The following FGF17 variants were observed in gnomAD, a reference collection of about 807,000 sequenced individuals.
FGF17 encodes the protein fibroblast growth factor 17.
In FGF17, 5 loss-of-function variants were observed where a neutral mutation model predicts 23.5. That is an observed-to-expected ratio of 0.21 (90% CI 0.11 to 0.45). The LOEUF (loss-of-function observed/expected upper bound fraction) is 0.45, where lower values mean the gene tolerates loss of function less well. FGF17 is among the 20% of genes least tolerant of loss of function. The pLI, the probability that FGF17 is intolerant of heterozygous loss-of-function variation, is 0.99. For missense variants in FGF17, 221 were observed against 306.9 expected, an observed-to-expected ratio of 0.72 and a Z score of 2.09; for synonymous variants, 136 against 123.0, an observed-to-expected ratio of 1.11 and a Z score of -0.70.
intron 2 of FGF17, 51 bp downstream of exon 2, chr8:22,043,232 C>T (rs751369578): frequency 6.3e-7 from 1 of 1,576,198 alleles, no homozygotes; most frequent in South Asian, 1.1e-5. Context: ...CCCTACCTGA[C>T]CAGGGCGGGT....
Position 22,048,061 on chromosome 8 carries a change from C to A in FGF17, c.463C>A (p.Arg155=). 6.2e-7 allele frequency: 1 copy of A among 1,612,676 alleles called. No homozygotes were observed. The highest frequency in any genetic ancestry group is 8.5e-7 in the Non-Finnish European group (1 of 1,179,704). Residue 155 remains arginine (R), a synonymous_variant, in exon 5 of 5, where the codon CGG becomes AGG. Transcript: ENST00000359441. The surrounding 1 kb of genome is among the most constrained non-coding windows in gnomAD (Gnocchi z 6.9). ...CGAGGGCTGGTTCATGGCCTTCACG[C>A]GGCAGGGGCGGCCCCGCCAGGCTTC... is the stretch of plus-strand genomic sequence containing the variant. ...RHEGWFMAFT[R]QGRPRQASRS...
Position 22,048,476 on chromosome 8 carries a change from A to C in FGF17, c.*227A>C, listed in dbSNP as rs1276021164. 2 of 571,102 alleles carry C rather than the reference A, an allele frequency of 3.5e-6. No individual in the cohort carries two copies. The highest frequency in any genetic ancestry group is 6.2e-6 in the Non-Finnish European group (2 of 321,628). The allele number at this position is 571,102 out of a possible 1,614,324, so 35.4% of individuals were successfully genotyped here. A position where few individuals can be genotyped will look rare whatever the true frequency, so the allele number is the denominator to read the frequency against. On this transcript the variant is annotated 3_prime_UTR_variant, in exon 5 of 5. Transcript: ENST00000359441. The surrounding 1 kb of genome is among the most constrained non-coding windows in gnomAD (Gnocchi z 6.9). ...GGTGGCAGGCCCTGGAGAGGAACTG[A>C]GTGTCACCCTGATCTCAGGCCACCA...
At chr8:22,047,825 C>A in intron 4 of FGF17, 131 bp from the exon 5 acceptor site, 1 of 823,612 alleles carries the variant, frequency 1.2e-6, no homozygotes, top group Non-Finnish European at 1.9e-6. Flanking sequence ...TCTCACCAGG[C>A]AGAGTTCCCT....
chr8:22,045,343 G>A (rs1455859385), intron 2 of FGF17: 3 of 987,174 alleles, frequency 3.0e-6, no homozygotes, highest in Non-Finnish European at 2.4e-6. Flanking sequence ...CTGTCCTCTT[G>A]GTACTGCCTC....
chr8:22,045,113 C>T lies in FGF17; in HGVS notation c.73-1001C>T, dbSNP rs189912413. ...GGATGGAGGGGAAGAAGTACTCAGT[C>T]TCTCCCACTCAGCCTTACAGATGGG... On this transcript the variant is annotated intron_variant, in intron 2 of 4. Coordinates refer to ENST00000359441, the MANE Select transcript of FGF17 (RefSeq NM_003867.4). 7.6e-4 allele frequency: 745 copies of T among 985,568 alleles called. 1 individual carries two copies. The highest frequency in any genetic ancestry group is 6.2e-4 in the Non-Finnish European group (515 of 830,006). The allele number at this position is 985,568 out of a possible 1,614,324, so 61.1% of individuals were successfully genotyped here. A position where few individuals can be genotyped will look rare whatever the true frequency, so the allele number is the denominator to read the frequency against.
chr8:22,046,663 G>C (rs371279355), intron 4 of FGF17, 30 bp downstream of exon 4: 6 of 1,498,890 alleles, frequency 4.0e-6, no homozygotes, highest in Non-Finnish European at 5.6e-6. Flanking sequence ...AAGTAACAGA[G>C]AATCAGCCCT....
intron 1 of FGF17, 90 bp downstream of exon 1, chr8:22,043,053 C>G: frequency 6.2e-7 from 1 of 1,600,942 alleles, no homozygotes; most frequent in Non-Finnish European, 8.5e-7. Flanking sequence ...CGCGTGCGTG[C>G]ACGGGGCTGG....
At chr8:22,045,524 G>A in intron 2 of FGF17, 1 of 993,326 alleles carries the variant, frequency 1.0e-6, no homozygotes. Flanking sequence ...TCCACAGTTA[G>A]TGCTTCAAAG....
upstream of FGF17, among the ~76,000 whole-genome samples, chr8:22,041,404 C>A (rs568461352): frequency 6.6e-6 from 1 of 152,256 alleles, no homozygotes; most frequent in Admixed American, 6.5e-5. Context: ...AATAAATCCA[C>A]ATCCGCCACT....
intron 4 of FGF17, among the ~76,000 whole-genome samples, chr8:22,047,447 T>C (rs1197111939): frequency 2.0e-5 from 3 of 152,230 alleles, no homozygotes; most frequent in African/African-American, 7.2e-5. Flanking sequence ...CATTCGGCTG[T>C]CGCTGACCAA....
At position 22,043,890 on chromosome 8, in the gene FGF17, G is replaced by A. The variant is rs374607143; in HGVS notation, c.72+709G>A. Among the ~76,000 whole-genome samples, 6 of 152,256 alleles carry A rather than the reference G, an allele frequency of 3.9e-5. No homozygotes were observed. In the East Asian group the frequency reaches 9.7e-4, roughly 25 times the overall value. On this transcript the variant is annotated intron_variant, in intron 2 of 4. Transcript: ENST00000359441. ...TCCAGAACCGCTCTGGGGAGAGATC[G>A]CTTGGCTTTCCCAGGCCAGAGGCCC... is the stretch of plus-strand genomic sequence containing the variant.
At chr8:22,044,751 C>T (rs563470125) in intron 2 of FGF17, 144 of 985,412 alleles carry the variant, frequency 1.5e-4, no homozygotes, top group East Asian at 1.3e-3. Flanking sequence ...AAATGAGCAA[C>T]GGTGCACAGT....
chr8:22,045,392 G>T, intron 2 of FGF17: 1 of 989,348 alleles, frequency 1.0e-6, no homozygotes, highest in Non-Finnish European at 1.2e-6. Flanking sequence ...CCTGCCTGCT[G>T]TCCCATAGTG....
upstream of FGF17, among the ~76,000 whole-genome samples, chr8:22,040,905 C>A (rs560601093): frequency 1.3e-5 from 2 of 152,290 alleles, no homozygotes; most frequent in East Asian, 3.9e-4. Context: ...GAGTGTAACC[C>A]AGACTGCAGA....
At chr8:22,043,331 C>T in intron 2 of FGF17, 150 bp downstream of exon 2, 1 of 790,258 alleles carries the variant, frequency 1.3e-6, no homozygotes, top group Non-Finnish European at 2.1e-6. Flanking sequence ...GGGGAGTGAG[C>T]CTTTGACCGG....
At chr8:22,042,058 C>T (rs1264071339), upstream of FGF17, among the ~76,000 whole-genome samples, 1 of 151,682 alleles carries the variant, frequency 6.6e-6, no homozygotes, top group African/African-American at 2.4e-5. Context: ...TCACACTTGA[C>T]CCCCCAACAC....
Position 22,048,226 on chromosome 8 carries a change from C to G in FGF17, c.628C>G (p.Arg210Gly), listed in dbSNP as rs139637781. Reference sequence around the variant, plus strand: ...CCCCACCCGCCGGACCAAGCGCACACGGCGGCCCCAGCCCCTCACGTAGTC... The same window carrying G: ...CCCCACCCGCCGGACCAAGCGCACAGGGCGGCCCCAGCCCCTCACGTAGTC... ...SAPTRRTKRT[R>G]RPQPLT Residue 210 changes from arginine (R) to glycine (G), a missense_variant, in exon 5 of 5, where the codon CGG becomes GGG. By Grantham distance (125) the Arg-to-Gly change is moderately radical (BLOSUM62 -2). Coordinates refer to ENST00000359441, the MANE Select transcript of FGF17 (RefSeq NM_003867.4). This position sits in a 1 kb window ranked among gnomAD's most constrained non-coding sequence, Gnocchi z 6.9. The G allele has an allele frequency of 1.5e-5, 24 of 1,608,364 alleles. No individual in the cohort carries two copies. The highest frequency in any genetic ancestry group is 2.0e-5 in the Non-Finnish European group (23 of 1,178,056).
At position 22,045,205 on chromosome 8, in the gene FGF17, T is replaced by C. The variant is rs995735475; in HGVS notation, c.73-909T>C. On this transcript the variant is annotated intron_variant, in intron 2 of 4. Coordinates refer to ENST00000359441, the MANE Select transcript of FGF17 (RefSeq NM_003867.4). ...TGCACAGTGCGTGGGGGGAAATGGT[T>C]CCTCTCCCCCAACCCAAAGGGGAAG... 1.5e-5 allele frequency: 15 copies of C among 985,292 alleles called. No individual in the cohort carries two copies. The South Asian group carries it at 5.2e-4, about 34-fold the overall frequency. The allele number at this position is 985,292 out of a possible 1,614,324, so 61.0% of individuals were successfully genotyped here.
At chr8:22,044,935 A>G (rs1237904829) in intron 2 of FGF17, 11 of 985,498 alleles carry the variant, frequency 1.1e-5, no homozygotes, top group Non-Finnish European at 1.3e-5. Flanking sequence ...ATAAAGGTGG[A>G]ATTAGGGATT....
Sources: allele counts gnomAD v4.1 joint callset (sites outside exome capture counted in the v4.1 genomes callset), GRCh38; gene constraint gnomAD v4.1.1; non-coding constraint Gnocchi (gnomAD v3.1); transcripts MANE v1.5; gene names NCBI Gene and HGNC (gene_info 2026-07-23, HGNC 2026-07-21).